The following SLCO3A1 variants were observed in gnomAD, a reference collection of about 807,000 sequenced individuals.
The protein encoded by SLCO3A1 is solute carrier organic anion transporter family member 3A1, also known as PGE1 transporter.
In SLCO3A1, 27 loss-of-function variants were observed where a neutral mutation model predicts 63.1. The ratio of observed to expected loss-of-function variants is 0.43; its 90% CI spans 0.32 to 0.59. SLCO3A1 has a LOEUF of 0.59. Among genes scored for constraint, SLCO3A1 ranks in the 20% least tolerant of loss-of-function variants. The probability of loss-of-function intolerance (pLI) is 0.09; values close to 1 mark genes in which losing one functional copy is unlikely to be tolerated. For synonymous variants in SLCO3A1, 473 were observed against 409.9 expected (o/e 1.15, Z -1.86); for missense variants, 773 against 945.8 (o/e 0.82, Z 2.40).
chr15:91,972,106 A>G (rs1474582575), intron 2 of SLCO3A1, among the ~76,000 whole-genome samples: 2 of 152,164 alleles, frequency 1.3e-5, no homozygotes, highest in Non-Finnish European at 2.9e-5. Flanking sequence ...AATTGACTAT[A>G]TAAAGGGGTG....
intron 5 of SLCO3A1, among the ~76,000 whole-genome samples, chr15:92,122,649 G>T (rs1244580641): frequency 6.6e-6 from 1 of 152,196 alleles, no homozygotes; most frequent in East Asian, 1.9e-4. Context: ...TCCATTTCTG[G>T]TCATCTGTCC....
At chr15:91,861,844 T>G (rs1044477318) in intron 1 of SLCO3A1, among the ~76,000 whole-genome samples, 1 of 151,834 alleles carries the variant, frequency 6.6e-6, no homozygotes, top group African/African-American at 2.4e-5. Context: ...TTCATCATGT[T>G]GTCCAGGCTG....
At chr15:92,141,405 A>T (rs1402673295) in intron 7 of SLCO3A1, among the ~76,000 whole-genome samples, 2 of 152,220 alleles carry the variant, frequency 1.3e-5, no homozygotes, top group East Asian at 3.9e-4. Context: ...ATGGGAGTCT[A>T]CAGGTCAGTT....
At chr15:92,136,950 G>A (rs922832357) in intron 7 of SLCO3A1, among the ~76,000 whole-genome samples, 36 of 148,596 alleles carry the variant, frequency 2.4e-4, no homozygotes, top group African/African-American at 6.4e-4. Context: ...ATTCCATCGC[G>A]TGGACCAAGT....
rs1173596973 is a variant in SLCO3A1 at position 92,143,445 on chromosome 15, TA to T, written c.1513-3538del. On this transcript the variant is annotated intron_variant, in intron 7 of 9. Coordinates refer to ENST00000318445, the MANE Select transcript of SLCO3A1 (RefSeq NM_013272.4). ...ATATATATATAATATATATAATATA[TA>T]TATAATATATATAATATATATAAAT... 3.0e-4 allele frequency among the ~76,000 whole-genome samples: 3 copies of T among 10,076 alleles called. 1 individual carries two copies. Among genetic ancestry groups the T allele is most frequent in the African/African-American group, 2.7e-3 (3 of 1,100 alleles). 6.6% of individuals were successfully genotyped at this position (10,076 alleles called of 152,430 possible).
intron 2 of SLCO3A1, among the ~76,000 whole-genome samples, chr15:92,034,022 T>C (rs1183463484): frequency 3.4e-5 from 5 of 146,762 alleles, no homozygotes; most frequent in African/African-American, 1.2e-4. Flanking sequence ...ACCATTGGGC[T>C]GATCTTGGCT....
rs1233045859 is a variant in SLCO3A1, at chr15:91,954,418, G to A, written c.646+37960G>A. 6.6e-6 allele frequency among the ~76,000 whole-genome samples: 1 copy of A among 152,194 alleles called. No individual in the cohort carries two copies. The highest frequency in any genetic ancestry group is 1.5e-5 in the Non-Finnish European group (1 of 68,044). On this transcript the variant is annotated intron_variant, in intron 2 of 9. Coordinates refer to ENST00000318445, the MANE Select transcript of SLCO3A1 (RefSeq NM_013272.4). This position sits in a 1 kb window ranked among gnomAD's most constrained non-coding sequence, Gnocchi z 4.7. ...GGTACTGCACAGAGTGAGGCAGTCA[G>A]AAGTCCTGCCCTCTGCAGTTTCCAG... is the stretch of plus-strand genomic sequence containing the variant.
chr15:92,104,259 T>C lies in SLCO3A1; in HGVS notation c.746-20T>C. ...TCCAGCCTTCTTTTCTCCACTAAGC[T>C]GTGCTCTTTCCATTTACAGGTAACC... On this transcript the variant is annotated intron_variant, in intron 3 of 9. Transcript: ENST00000318445. The C allele has an allele frequency of 6.2e-7, 1 of 1,613,560 alleles. No individual in the cohort carries two copies. The highest frequency in any genetic ancestry group is 1.1e-5 in the South Asian group (1 of 91,058).
intron 2 of SLCO3A1, among the ~76,000 whole-genome samples, chr15:92,089,112 G>A (rs199542561): frequency 3.3e-5 from 5 of 151,826 alleles, no homozygotes; most frequent in East Asian, 1.9e-4. Flanking sequence ...TACAAGCTCC[G>A]CCTCCTGGGT....
intron 2 of SLCO3A1, among the ~76,000 whole-genome samples, chr15:92,022,624 G>A (rs1204709760): frequency 1.3e-5 from 2 of 152,174 alleles, no homozygotes; most frequent in Non-Finnish European, 2.9e-5. Flanking sequence ...TACTCATTTT[G>A]CCTCTCTGAA....
downstream of SLCO3A1, among the ~76,000 whole-genome samples, chr15:92,169,998 G>A (rs192246736): frequency 2.5e-4 from 38 of 152,218 alleles, no homozygotes; most frequent in Admixed American, 6.5e-4. Context: ...TTTTTGTCCC[G>A]TAAGATACAA....
In SLCO3A1 at chr15:91,948,027, C is replaced by G. The variant is rs1294631229; in HGVS notation, c.646+31569C>G. Among the ~76,000 whole-genome samples the G allele has an allele frequency of 6.6e-6, 1 of 152,074 alleles. No homozygotes were observed. Among genetic ancestry groups the G allele is most frequent in the Non-Finnish European group, 1.5e-5 (1 of 68,026 alleles). On this transcript the variant is annotated intron_variant, in intron 2 of 9. Transcript: ENST00000318445. This position sits in a 1 kb window ranked among gnomAD's most constrained non-coding sequence, Gnocchi z 4.8. ...TCCCAACTAGGTGTTCCAGCAGGGC[C>G]GTGGGAGCAGAAGCAGAATTCAGAT...
At chr15:92,139,542 G>C (rs1214564525) in intron 7 of SLCO3A1, among the ~76,000 whole-genome samples, 1 of 151,778 alleles carries the variant, frequency 6.6e-6, no homozygotes, top group Admixed American at 6.6e-5. Flanking sequence ...AATAGTTTCA[G>C]AAGGAATGGT....
chr15:92,112,976 A>G (rs1441780334), intron 4 of SLCO3A1, among the ~76,000 whole-genome samples: 1 of 152,176 alleles, frequency 6.6e-6, no homozygotes, highest in Non-Finnish European at 1.5e-5. Context: ...CCTTGCTGCC[A>G]TGGAGGTGGC....
intron 2 of SLCO3A1, among the ~76,000 whole-genome samples, chr15:91,963,744 A>C (rs1362904657): frequency 6.6e-6 from 1 of 152,092 alleles, no homozygotes; most frequent in Non-Finnish European, 1.5e-5. Flanking sequence ...CGCTGACTTC[A>C]GGAGTCATGC....
chr15:91,930,636 G>A (rs1288156530), intron 2 of SLCO3A1, among the ~76,000 whole-genome samples: 2 of 152,070 alleles, frequency 1.3e-5, no homozygotes, highest in African/African-American at 2.4e-5. Context: ...GATAACTTAC[G>A]ATGTGTCAGT....
At chr15:92,158,793 C>T (rs1483042048) in intron 9 of SLCO3A1, among the ~76,000 whole-genome samples, 1 of 152,192 alleles carries the variant, frequency 6.6e-6, no homozygotes, top group African/African-American at 2.4e-5. Flanking sequence ...TGGTATTGTC[C>T]GCACACCTGC....
In SLCO3A1 at chr15:91,853,902, G is replaced by A; in HGVS notation, c.-7G>A. ...GCGGCGGCGGCGGCGGCGGCGGCGG[G>A]GGAAGGATGCAGGGGAAGAAGCCGG... On this transcript the variant is annotated 5_prime_UTR_variant, in exon 1 of 10. Coordinates refer to ENST00000318445, the MANE Select transcript of SLCO3A1 (RefSeq NM_013272.4). 2.2e-6 allele frequency: 3 copies of A among 1,376,566 alleles called. No individual in the cohort carries two copies. Among genetic ancestry groups the A allele is most frequent in the Admixed American group, 2.9e-5 (1 of 34,588 alleles). 85.3% of individuals were successfully genotyped at this position (1,376,566 alleles called of 1,614,324 possible).
In SLCO3A1 at chr15:91,950,952, A is replaced by C. The variant is rs2151410949; in HGVS notation, c.646+34494A>C. Among the ~76,000 whole-genome samples the C allele has an allele frequency of 6.6e-6, 1 of 152,276 alleles. No homozygotes were observed. Among genetic ancestry groups the C allele is most frequent in the South Asian group, 2.1e-4 (1 of 4,820 alleles). ...TTCTCTGGCTTTCACTTCATTTGAC[A>C]GGTGAGCTGAAGCTATTGTGTGTAT... On this transcript the variant is annotated intron_variant, in intron 2 of 9. Transcript: ENST00000318445. This position sits in a 1 kb window ranked among gnomAD's most constrained non-coding sequence, Gnocchi z 4.4.
Sources: allele counts gnomAD v4.1 joint callset (sites outside exome capture counted in the v4.1 genomes callset), GRCh38; gene constraint gnomAD v4.1.1; non-coding constraint Gnocchi (gnomAD v3.1); transcripts MANE v1.5; gene names NCBI Gene and HGNC (gene_info 2026-07-23, HGNC 2026-07-21).